Variants in SLC29A4 observed in about 807,000 individuals in gnomAD.
SLC29A4 encodes solute carrier family 29 member 4.
Under a neutral mutation model 43.9 loss-of-function variants are expected in SLC29A4, and 36 were observed. The ratio of observed to expected loss-of-function variants is 0.82; its 90% CI spans 0.63 to 1.08. The LOEUF is 1.08. SLC29A4 is among the 50% of genes least tolerant of loss of function. SLC29A4 has a pLI of 0.00. For synonymous variants in SLC29A4, 491 were observed against 338.0 expected, an observed-to-expected ratio of 1.45 and a Z score of -4.97; for missense variants, 869 against 755.3, an observed-to-expected ratio of 1.15 and a Z score of -1.77.
chr7:5,303,017 A>C lies in SLC29A4; in HGVS notation c.*78A>C. 1.3e-6 allele frequency: 2 copies of C among 1,500,952 alleles called. No individual in the cohort carries two copies. Among genetic ancestry groups the C allele is most frequent in the Non-Finnish European group, 1.8e-6 (2 of 1,118,764 alleles). The allele number at this position is 1,500,952 out of a possible 1,614,324, so 93.0% of individuals were successfully genotyped here. A position where few individuals can be genotyped will look rare whatever the true frequency, so the allele number is the denominator to read the frequency against. ...GCCTGAGGGCCCCTCCCCTGTCCCCACCTCAGTGCCTGCGGGGCCCTGAGC... is the reference window on the plus strand; with the variant it reads ...GCCTGAGGGCCCCTCCCCTGTCCCCCCCTCAGTGCCTGCGGGGCCCTGAGC... On this transcript the variant is annotated 3_prime_UTR_variant, in exon 11 of 11. Coordinates refer to ENST00000396872, the MANE Select transcript of SLC29A4 (RefSeq NM_153247.4).
intron 2 of SLC29A4, among the ~76,000 whole-genome samples, 197 bp downstream of exon 2, chr7:5,288,182 C>G (rs1003322415): frequency 9.9e-5 from 15 of 152,172 alleles, no homozygotes; most frequent in African/African-American, 3.1e-4. Flanking sequence ...TGCTGCATGT[C>G]CCTGCTGGGG....
rs748818250 is a variant in SLC29A4 at position 5,299,127 on chromosome 7, G to T, written c.1021+1G>T. ...CAGCGCAGCTGGCCCACCTTCAGAG[G>T]TGAGTGCGGGGAGTCCTCTGCTGCC... On this transcript the variant is annotated splice_donor_variant, in intron 8 of 10. Coordinates refer to ENST00000396872, the MANE Select transcript of SLC29A4 (RefSeq NM_153247.4). LOFTEE classifies it high-confidence loss of function. 6.2e-7 allele frequency: 1 copy of T among 1,609,610 alleles called. No homozygotes were observed. The highest frequency in any genetic ancestry group is 8.5e-7 in the Non-Finnish European group (1 of 1,178,566).
At chr7:5,292,739 C>G (rs1471804816) in intron 5 of SLC29A4, among the ~76,000 whole-genome samples, 3 of 126,328 alleles carry the variant, frequency 2.4e-5, no homozygotes, top group Non-Finnish European at 4.8e-5. Flanking sequence ...CACTCTGTCG[C>G]CCAGGCTGGA....
At chr7:5,297,255 G>A (rs1270413074) in intron 7 of SLC29A4, 57 bp downstream of exon 7, 15 of 1,206,090 alleles carry the variant, frequency 1.2e-5, no homozygotes, top group African/African-American at 1.5e-5. Context: ...TGTCCCCACC[G>A]CTTCGTCGGG....
At chr7:5,286,912 G>A (rs1284353597) in intron 1 of SLC29A4, among the ~76,000 whole-genome samples, 2 of 152,232 alleles carry the variant, frequency 1.3e-5, no homozygotes, top group African/African-American at 2.4e-5. Flanking sequence ...AGGCACGCGT[G>A]AGGCTCACTC....
rs531065654 is a variant in SLC29A4 at position 5,300,717 on chromosome 7, C to T, written c.1450+55C>T. The T allele has an allele frequency of 1.7e-4, 265 of 1,579,854 alleles. No individual in the cohort carries two copies. In the African/African-American group the frequency reaches 3.0e-3, roughly 18 times the overall value. On this transcript the variant is annotated intron_variant, in intron 10 of 10. Transcript: ENST00000396872. Reference sequence around the variant, plus strand: ...CGTCCTCCCAGCAGCGCAATGCCCCCCTCGCGAGGAAACCCAGGCTAGACC... The same window carrying T: ...CGTCCTCCCAGCAGCGCAATGCCCCTCTCGCGAGGAAACCCAGGCTAGACC...
At position 5,304,300 on chromosome 7, in the gene SLC29A4, CG is replaced by C. The variant is rs1786372516; in HGVS notation, c.*1362del. 1 of 130,680 alleles carries C rather than the reference CG, an allele frequency of 7.7e-6. No homozygotes were observed. The highest frequency in any genetic ancestry group is 2.5e-4 in the South Asian group (1 of 4,042). The allele number at this position is 130,680 out of a possible 1,614,324, so 8.1% of individuals were successfully genotyped here. ...GGGTTTGTCGCTCACCTTGACCGCC[CG>C]CCCCCCCCACCCCTTCGTGAGGATC... On this transcript the variant is annotated 3_prime_UTR_variant, in exon 11 of 11. Coordinates refer to ENST00000396872, the MANE Select transcript of SLC29A4 (RefSeq NM_153247.4).
chr7:5,297,509 ATG>A (rs1172122742), intron 7 of SLC29A4, among the ~76,000 whole-genome samples: 1 of 152,132 alleles, frequency 6.6e-6, no homozygotes, highest in Non-Finnish European at 1.5e-5. Context: ...ACTCCACATG[ATG>A]TACACTAAAG....
intron 10 of SLC29A4, among the ~76,000 whole-genome samples, chr7:5,301,672 G>A (rs2128092929): frequency 6.6e-6 from 1 of 152,350 alleles, no homozygotes; most frequent in Admixed American, 6.5e-5. Flanking sequence ...CCTGGAGGAG[G>A]TCAACGTGGC....
chr7:5,292,016 G>T (rs1393779060), intron 5 of SLC29A4, among the ~76,000 whole-genome samples, 195 bp downstream of exon 5: 1 of 152,250 alleles, frequency 6.6e-6, no homozygotes, highest in Non-Finnish European at 1.5e-5. Context: ...TCTGCAGTGT[G>T]TGCGCAGCGT....
In SLC29A4 at chr7:5,297,087, C is replaced by G; in HGVS notation, c.771C>G (p.Phe257Leu). The G allele has an allele frequency of 6.2e-7, 1 of 1,607,950 alleles. No individual in the cohort carries two copies. The highest frequency in any genetic ancestry group is 8.5e-7 in the Non-Finnish European group (1 of 1,179,758). ...LLHLLVRRSR[F>L]VLFYTTRPRD... is the part of the protein sequence containing the mutation. ...ACCTGTTAGTGCGGCGCAGCCGCTTCGTGCTCTTCTATACCACACGGCCGC... is the reference window on the plus strand; with the variant it reads ...ACCTGTTAGTGCGGCGCAGCCGCTTGGTGCTCTTCTATACCACACGGCCGC... Residue 257 changes from phenylalanine (F) to leucine (L), a missense_variant, in exon 7 of 11, where the codon TTC becomes TTG. Physicochemically the swap from Phe to Leu is conservative, Grantham distance 22 (BLOSUM62 0). Coordinates refer to ENST00000396872, the MANE Select transcript of SLC29A4 (RefSeq NM_153247.4).
chr7:5,299,679 C>CT (rs1286522770), intron 9 of SLC29A4, among the ~76,000 whole-genome samples: 1 of 152,212 alleles, frequency 6.6e-6, no homozygotes, highest in Non-Finnish European at 1.5e-5. Flanking sequence ...TCTCGCCTCA[C>CT]GATCACAGGT....
At position 5,305,409 on chromosome 7, in the gene SLC29A4, C is replaced by G. The variant is rs1786430475; in HGVS notation, c.*2470C>G. ...CTAACCAGGTCAGTCACTGGGCAGC[C>G]AGACCCCCACCTATAGCTTCCCTAG... On this transcript the variant is annotated 3_prime_UTR_variant, in exon 11 of 11. Coordinates refer to ENST00000396872, the MANE Select transcript of SLC29A4 (RefSeq NM_153247.4). The G allele has an allele frequency of 6.6e-6, 1 of 152,348 alleles. No individual in the cohort carries two copies. Among genetic ancestry groups the G allele is most frequent in the Admixed American group, 6.5e-5 (1 of 15,272 alleles). The allele number at this position is 152,348 out of a possible 1,614,324, so 9.4% of individuals were successfully genotyped here. A position where few individuals can be genotyped will look rare whatever the true frequency, so the allele number is the denominator to read the frequency against.
chr7:5,287,616 C>G (rs573380235), intron 1 of SLC29A4, among the ~76,000 whole-genome samples, 193 bp from the exon 2 acceptor site: 1 of 152,284 alleles, frequency 6.6e-6, no homozygotes, highest in African/African-American at 2.4e-5. Flanking sequence ...AAACCCGGGT[C>G]TTTGAACCTC....
At position 5,299,292 on chromosome 7, in the gene SLC29A4, C is replaced by T. The variant is rs769577734; in HGVS notation, c.1074C>T (p.Leu358=). ...VVARVIWADM[L]SIAVTYFITL... Reference sequence around the variant, plus strand: ...CGCGGGTGATCTGGGCCGACATGCTCTCCATCGCCGTGACCTACTTCATCA... The same window carrying T: ...CGCGGGTGATCTGGGCCGACATGCTTTCCATCGCCGTGACCTACTTCATCA... Residue 358 remains leucine, a synonymous_variant, in exon 9 of 11, where the codon CTC becomes CTT. Coordinates refer to ENST00000396872, the MANE Select transcript of SLC29A4 (RefSeq NM_153247.4). 7 of 1,612,076 alleles carry T rather than the reference C, an allele frequency of 4.3e-6. No individual in the cohort carries two copies. Among genetic ancestry groups the T allele is most frequent in the Non-Finnish European group, 5.9e-6 (7 of 1,179,924 alleles).
At chr7:5,295,247 T>A (rs182338674) in intron 6 of SLC29A4, among the ~76,000 whole-genome samples, 3 of 152,224 alleles carry the variant, frequency 2.0e-5, no homozygotes, top group Admixed American at 2.0e-4. Context: ...TAAGTCTGCG[T>A]GTGCGCGTGT....
intron 9 of SLC29A4, among the ~76,000 whole-genome samples, chr7:5,299,875 A>G (rs1786013069): frequency 6.6e-6 from 1 of 152,192 alleles, no homozygotes; most frequent in South Asian, 2.1e-4. Context: ...AACATGGTGA[A>G]ACCCCGTGTC....
At chr7:5,290,263 C>G (rs1435629466) in intron 2 of SLC29A4, among the ~76,000 whole-genome samples, 3 of 152,156 alleles carry the variant, frequency 2.0e-5, no homozygotes, top group Non-Finnish European at 4.4e-5. Flanking sequence ...TGGGGTTTCA[C>G]CGTGTTAGCC....
chr7:5,302,245 C>G (rs1786221837), intron 10 of SLC29A4, among the ~76,000 whole-genome samples: 1 of 152,182 alleles, frequency 6.6e-6, no homozygotes, highest in Non-Finnish European at 1.5e-5. Flanking sequence ...GCCACCATAC[C>G]TGGCTGAGAC....
Sources: gnomAD v4.1 joint callset for allele counts (sites outside exome capture counted in the v4.1 genomes callset) on GRCh38, gnomAD v4.1.1 for gene constraint, MANE v1.5 for transcripts, NCBI Gene and HGNC (gene_info 2026-07-23, HGNC 2026-07-21) for gene names.